The following PPID variants were observed in gnomAD, a reference collection of about 807,000 sequenced individuals.
The protein encoded by PPID is peptidyl-prolyl cis-trans isomerase D.
Under a neutral mutation model 48.1 loss-of-function variants are expected in PPID, and 47 were observed. The ratio of observed to expected loss-of-function variants is 0.98; its 90% CI spans 0.77 to 1.25. PPID has a LOEUF of 1.25. Among genes scored for constraint, PPID ranks in the 50% most tolerant of loss-of-function variants. PPID has a pLI of 0.00. For synonymous variants in PPID, 163 were observed against 148.8 expected, an observed-to-expected ratio of 1.10 and a Z score of -0.69; for missense variants, 429 against 443.5, an observed-to-expected ratio of 0.97 and a Z score of 0.29.
chr4:158,714,764 AT>A (rs1402476106), intron 6 of PPID, among the ~76,000 whole-genome samples: 3 of 151,948 alleles, frequency 2.0e-5, no homozygotes, highest in Non-Finnish European at 2.9e-5. Flanking sequence ...TAATTTTTGT[AT>A]TTTTAGTAGA....
rs1473125272 is a variant in PPID at position 158,709,730 on chromosome 4, T to C, written c.*6A>G. On this transcript the variant is annotated 3_prime_UTR_variant, in exon 10 of 10. Coordinates refer to ENST00000307720, the MANE Select transcript of PPID (RefSeq NM_005038.3). ...TCAACACACAATAAGCAAAACTGAA[T>C]CCTTTCTAAGCAAACATTTTTGCAT... The C allele has an allele frequency of 1.3e-6, 2 of 1,583,340 alleles. No homozygotes were observed. Among genetic ancestry groups the C allele is most frequent in the Admixed American group, 3.4e-5 (2 of 59,250 alleles).
At chr4:158,715,050 G>A (rs761753392) in intron 6 of PPID, among the ~76,000 whole-genome samples, 13 of 152,108 alleles carry the variant, frequency 8.5e-5, no homozygotes, top group Non-Finnish European at 1.6e-4. Context: ...CTGTAAAAAC[G>A]TAAACAGCAA....
rs188263272 is a variant in PPID, at chr4:158,716,196, G to C, written c.523-512C>G. ...CCACCTCAGCCTCCCAAAGTGCTGG[G>C]ATTACAAGCATGAGCTACCATGCCC... On this transcript the variant is annotated intron_variant, in intron 4 of 9. Transcript: ENST00000307720. Among the ~76,000 whole-genome samples the C allele has an allele frequency of 7.6e-3, 1,162 of 152,054 alleles. 15 individuals are homozygous for C. Among genetic ancestry groups the C allele is most frequent in the African/African-American group, 0.025 (1,017 of 41,462 alleles).
At chr4:158,715,855 T>G (rs997115412) in intron 4 of PPID, among the ~76,000 whole-genome samples, 171 bp from the exon 5 acceptor site, 3 of 152,246 alleles carry the variant, frequency 2.0e-5, no homozygotes, top group Admixed American at 6.5e-5. Flanking sequence ...ACAATGTTAG[T>G]ATTTACATAA....
chr4:158,722,285 C>T (rs1279430268), intron 1 of PPID, among the ~76,000 whole-genome samples: 2 of 152,190 alleles, frequency 1.3e-5, no homozygotes, highest in African/African-American at 4.8e-5. Context: ...TTCCAATCAC[C>T]AAGCAACCAA....
At chr4:158,716,728 G>C (rs1774878013) in intron 4 of PPID, among the ~76,000 whole-genome samples, 1 of 152,176 alleles carries the variant, frequency 6.6e-6, no homozygotes, top group African/African-American at 2.4e-5. Flanking sequence ...GGGAGGCCGA[G>C]GTGGGCGGAT....
At chr4:158,715,744 A>G in intron 4 of PPID, 60 bp from the exon 5 acceptor site, 1 of 1,547,072 alleles carries the variant, frequency 6.5e-7, no homozygotes. Context: ...GATAAAAGCT[A>G]TACAGCTGAA....
intron 9 of PPID, 88 bp from the exon 10 acceptor site, chr4:158,709,912 C>G (rs1774754825): frequency 1.0e-6 from 1 of 984,928 alleles, no homozygotes; most frequent in African/African-American, 1.6e-5. Context: ...TTAACTACCC[C>G]TTGAAAAAAC....
intron 4 of PPID, 73 bp from the exon 5 acceptor site, chr4:158,715,757 CA>C: frequency 6.6e-7 from 1 of 1,507,154 alleles, no homozygotes; most frequent in Non-Finnish European, 9.2e-7. Context: ...CAGCTGAAGT[CA>C]TGTGCAGCAC....
At chr4:158,721,813 T>C (rs1358245211) in intron 1 of PPID, among the ~76,000 whole-genome samples, 2 of 152,232 alleles carry the variant, frequency 1.3e-5, no homozygotes, top group African/African-American at 4.8e-5. Context: ...GATCATGCCT[T>C]GTCTTCCTGT....
intron 7 of PPID, 53 bp downstream of exon 7, chr4:158,713,066 A>C (rs879191012): frequency 6.3e-7 from 1 of 1,581,370 alleles, no homozygotes; most frequent in Admixed American, 1.7e-5. Context: ...GCTACTATTC[A>C]AACTAAGTCT....
At chr4:158,719,053 G>T in intron 3 of PPID, 127 bp downstream of exon 3, 1 of 600,450 alleles carries the variant, frequency 1.7e-6, no homozygotes, top group South Asian at 2.2e-5. Context: ...TTACAAAAGT[G>T]ATTCCTATTA....
At chr4:158,718,785 T>C (rs1466698162) in intron 3 of PPID, among the ~76,000 whole-genome samples, 2 of 152,232 alleles carry the variant, frequency 1.3e-5, no homozygotes, top group Admixed American at 1.3e-4. Flanking sequence ...CATTTAACTA[T>C]ATCTGCTAGT....
intron 7 of PPID, among the ~76,000 whole-genome samples, 167 bp downstream of exon 7, chr4:158,712,952 G>A (rs192092433): frequency 6.6e-6 from 1 of 152,330 alleles, no homozygotes; most frequent in Non-Finnish European, 1.5e-5. Context: ...TAAGCAAAAT[G>A]AATGTAGAGA....
intron 9 of PPID, 53 bp from the exon 10 acceptor site, chr4:158,709,877 T>C: frequency 7.0e-7 from 1 of 1,432,516 alleles, no homozygotes; most frequent in Non-Finnish European, 9.8e-7. Flanking sequence ...CAAAAAATTA[T>C]GGTGACTAAC....
chr4:158,710,900 C>T, intron 7 of PPID, 52 bp from the exon 8 acceptor site: 1 of 1,480,846 alleles, frequency 6.8e-7, no homozygotes, highest in Non-Finnish European at 9.4e-7. Flanking sequence ...AGCTTATATG[C>T]CAGATTTCAA....
Position 158,715,351 on chromosome 4 carries a change from A to G in PPID, c.698T>C (p.Phe233Ser), listed in dbSNP as rs747190918. The G allele has an allele frequency of 2.6e-6, 4 of 1,543,686 alleles. No homozygotes were observed. Among genetic ancestry groups the G allele is most frequent in the South Asian group, 2.6e-5 (2 of 77,502 alleles). ...CATCTCCCAGTTCTGGGATTTGAAA[A>G]AAGTATTTCCAATGTTTTTTAAGTC... ...TEDLKNIGNT[F>S]FKSQNWEMAI... Residue 233 changes from phenylalanine to serine, a missense_variant, in exon 6 of 10, where the codon TTT becomes TCT. Physicochemically the swap from Phe to Ser is radical, Grantham distance 155 (BLOSUM62 -2). Coordinates refer to ENST00000307720, the MANE Select transcript of PPID (RefSeq NM_005038.3).
chr4:158,717,481 G>A (rs947188508), intron 3 of PPID, among the ~76,000 whole-genome samples: 1 of 152,028 alleles, frequency 6.6e-6, no homozygotes, highest in Admixed American at 6.6e-5. Context: ...ATAGTCGGGG[G>A]GAGGGTTATT....
At chr4:158,720,183 A>G (rs529523224) in intron 2 of PPID, among the ~76,000 whole-genome samples, 2 of 152,342 alleles carry the variant, frequency 1.3e-5, no homozygotes, top group South Asian at 4.1e-4. Context: ...AATCACCATT[A>G]CTATTTAGGA....
Sources: gnomAD v4.1 joint callset for allele counts (sites outside exome capture counted in the v4.1 genomes callset) on GRCh38, gnomAD v4.1.1 for gene constraint, MANE v1.5 for transcripts, NCBI Gene and HGNC (gene_info 2026-07-23, HGNC 2026-07-21) for gene names.